KCNN1: variants seen among roughly 807,000 people sequenced by gnomAD.
KCNN1 encodes potassium calcium-activated channel subfamily N member 1.
KCNN1 carries 20 observed loss-of-function variants against 44.7 expected under a neutral mutation model. The ratio of observed to expected loss-of-function variants is 0.45; its 90% confidence interval spans 0.32 to 0.65. The LOEUF (loss-of-function observed/expected upper bound fraction) is 0.65. Among genes scored for constraint, KCNN1 ranks in the 30% least tolerant of loss-of-function variants. KCNN1 has a pLI of 0.05. For synonymous variants in KCNN1, 324 were observed against 341.7 expected (o/e 0.95, Z 0.57); for missense variants, 632 against 785.3 (o/e 0.80, Z 2.33).
At position 17,973,839 on chromosome 19, in the gene KCNN1, C is replaced by T; in HGVS notation, c.-50C>T. 1.3e-6 allele frequency: 2 copies of T among 1,537,168 alleles called. No homozygotes were observed. Among genetic ancestry groups the T allele is most frequent in the South Asian group, 1.2e-5 (1 of 83,464 alleles). On this transcript the variant is annotated 5_prime_UTR_variant, in exon 2 of 10. Transcript: ENST00000684775. ...GCAGGAGCCCAGCCGCTGAGCCATG[C>T]CGGGCCCCGGGCGGCCTGCAGCGAG...
At chr19:17,958,034 G>T (rs2031586050) in intron 2 of KCNN1, among the ~76,000 whole-genome samples, 1 of 152,094 alleles carries the variant, frequency 6.6e-6, no homozygotes, top group Non-Finnish European at 1.5e-5. Context: ...AGCACTCATT[G>T]TGCTTGGGGA....
chr19:17,984,828 T>C (rs1412310529), intron 4 of KCNN1, among the ~76,000 whole-genome samples: 2 of 152,142 alleles, frequency 1.3e-5, no homozygotes, highest in South Asian at 2.1e-4. Flanking sequence ...GGACTCATGC[T>C]GTCCTCCAGT....
chr19:17,952,959 C>T (rs2031452041), intron 1 of KCNN1, among the ~76,000 whole-genome samples: 1 of 152,160 alleles, frequency 6.6e-6, no homozygotes, highest in South Asian at 2.1e-4. Context: ...TCCACGAATC[C>T]CGGGACCCAG....
At chr19:17,967,414 G>A (rs2031852232) in intron 1 of KCNN1, 97 bp downstream of exon 1, 2 of 629,428 alleles carry the variant, frequency 3.2e-6, no homozygotes, top group African/African-American at 2.0e-5. Context: ...ACGCGGTTTG[G>A]GGCAGGGGCC....
At chr19:17,982,970 G>A (rs1156498867) in intron 4 of KCNN1, among the ~76,000 whole-genome samples, 4 of 151,872 alleles carry the variant, frequency 2.6e-5, no homozygotes, top group South Asian at 2.1e-4. Context: ...AACCTGGGAC[G>A]CGGAGGTTGC....
Position 17,975,076 on chromosome 19 carries a change from C to G in KCNN1, c.403-16C>G, listed in dbSNP as rs562559243. The G allele has an allele frequency of 1.2e-6, 2 of 1,606,584 alleles. No homozygotes were observed. The highest frequency in any genetic ancestry group is 2.7e-5 in the African/African-American group (2 of 74,880). ...GCCTCCAGCGTCCATCTGGCTGTGTCCTCTCTCTTTACCAGGAGTCTCTGT... is the reference window on the plus strand; with the variant it reads ...GCCTCCAGCGTCCATCTGGCTGTGTGCTCTCTCTTTACCAGGAGTCTCTGT... On this transcript the variant is annotated splice_polypyrimidine_tract_variant and intron_variant, in intron 2 of 9. Coordinates refer to ENST00000684775, the MANE Select transcript of KCNN1 (RefSeq NM_001386974.1).
intron 2 of KCNN1, among the ~76,000 whole-genome samples, chr19:17,955,578 A>G (rs1428599738): frequency 6.7e-6 from 1 of 148,714 alleles, no homozygotes; most frequent in African/African-American, 2.5e-5. Flanking sequence ...AAAAAAAAAA[A>G]AGAAAGAAAG....
intron 3 of KCNN1, among the ~76,000 whole-genome samples, chr19:17,978,477 G>GA (rs1335828229): frequency 6.7e-6 from 1 of 149,238 alleles, no homozygotes; most frequent in African/African-American, 2.5e-5. Flanking sequence ...GCCCAGGCTG[G>GA]AGTACAGTGG....
chr19:17,988,647 G>A (rs1252438259), intron 6 of KCNN1, 122 bp downstream of exon 6: 13 of 757,384 alleles, frequency 1.7e-5, no homozygotes, highest in Admixed American at 4.2e-5. Context: ...ATGCAGCCCC[G>A]TGTCAAGACT....
At chr19:17,964,901 G>T (rs1304497937), upstream of KCNN1, among the ~76,000 whole-genome samples, 2 of 152,172 alleles carry the variant, frequency 1.3e-5, no homozygotes, top group South Asian at 4.1e-4. The surrounding 1 kb of genome is among the most constrained non-coding windows in gnomAD (Gnocchi z 4.3). Flanking sequence ...CGTGGGCAGG[G>T]GTGCAGGGGA....
intron 6 of KCNN1, 50 bp downstream of exon 6, chr19:17,988,575 C>A (rs752952070): frequency 2.2e-6 from 3 of 1,346,240 alleles, no homozygotes; most frequent in Non-Finnish European, 3.2e-6. Flanking sequence ...TGTCAGCGAG[C>A]GTAGAACTTC....
chr19:17,979,716 T>C (rs973324321), intron 3 of KCNN1, among the ~76,000 whole-genome samples: 2 of 152,164 alleles, frequency 1.3e-5, no homozygotes, highest in African/African-American at 4.8e-5. Flanking sequence ...CTGTAGGGTG[T>C]CCTTTATGTC....
At chr19:17,959,866 C>T (rs1330028446) in intron 2 of KCNN1, among the ~76,000 whole-genome samples, 2 of 151,790 alleles carry the variant, frequency 1.3e-5, no homozygotes, top group South Asian at 2.1e-4. Context: ...GGGCGGATCA[C>T]GAGGTCGGGA....
At chr19:17,971,173 T>C (rs2032009594) in intron 1 of KCNN1, among the ~76,000 whole-genome samples, 1 of 151,598 alleles carries the variant, frequency 6.6e-6, no homozygotes, top group Admixed American at 6.6e-5. Context: ...CGTGAGCCAC[T>C]GCACCCAGCC....
chr19:17,974,159 C>T lies in KCNN1; in HGVS notation c.271C>T (p.His91Tyr). 6.2e-7 allele frequency: 1 copy of T among 1,613,658 alleles called. No homozygotes were observed. Residue 91 changes from histidine to tyrosine, a missense_variant, in exon 2 of 10, where the codon CAC becomes TAC. Physicochemically the swap from His to Tyr is moderately conservative, Grantham distance 83. This residue lies in a region of KCNN1 where 235 missense variants were observed against 224.0 expected (regional missense o/e 1.05). Coordinates refer to ENST00000684775, the MANE Select transcript of KCNN1 (RefSeq NM_001386974.1). The surrounding 1 kb of genome is among the most constrained non-coding windows in gnomAD (Gnocchi z 7.3). Reference sequence around the variant, plus strand: ...CTCGGGGAAACCCTCAAATGTGGGCCACCGCCTGGGCCACCGGCGGGCGCT... The same window carrying T: ...CTCGGGGAAACCCTCAAATGTGGGCTACCGCCTGGGCCACCGGCGGGCGCT... Reference protein sequence around the residue: ...RASGKPSNVGHRLGHRRALFE... With the variant: ...RASGKPSNVGYRLGHRRALFE...
intron 4 of KCNN1, 89 bp downstream of exon 4, chr19:17,982,216 C>T: frequency 9.3e-7 from 1 of 1,079,296 alleles, no homozygotes; most frequent in South Asian, 1.7e-5. Context: ...CGACCCTGGG[C>T]CCCTCCCGAC....
chr19:17,982,152 C>A (rs924683699), intron 4 of KCNN1, 25 bp downstream of exon 4: 19 of 1,458,378 alleles, frequency 1.3e-5, no homozygotes, highest in Non-Finnish European at 1.6e-5. Context: ...CCTGGAGCCC[C>A]CCCAGCCCCC....
At chr19:17,997,420 C>G (rs912735500) in intron 9 of KCNN1, among the ~76,000 whole-genome samples, 1 of 152,170 alleles carries the variant, frequency 6.6e-6, no homozygotes, top group African/African-American at 2.4e-5. Context: ...GGCCACTAGA[C>G]CCCCAGGGCA....
In KCNN1 at chr19:17,981,927, C is replaced by A. The variant is rs1186494633; in HGVS notation, c.717C>A (p.Tyr239Ter). Residue 239 changes from tyrosine to a stop codon, truncating the protein, a stop_gained, in exon 4 of 10, where the codon TAC becomes TAA. Transcript: ENST00000684775. LOFTEE classifies it high-confidence loss of function. ...CCATCCCCATGTTCCTGCGCCTCTACCTGCTGGGCCGGGTGATGCTACTGC... is the reference window on the plus strand; with the variant it reads ...CCATCCCCATGTTCCTGCGCCTCTAACTGCTGGGCCGGGTGATGCTACTGC... ...LLSIPMFLRL[Y>*]LLGRVMLLHS... The A allele has an allele frequency of 6.2e-7, 1 of 1,612,950 alleles. No homozygotes were observed. Among genetic ancestry groups the A allele is most frequent in the Admixed American group, 1.7e-5 (1 of 59,876 alleles).
Sources: gnomAD v4.1 joint callset for allele counts (sites outside exome capture counted in the v4.1 genomes callset) on GRCh38, gnomAD v4.1.1 for gene constraint, gnomAD v4.1.1 regional missense constraint, Gnocchi (gnomAD v3.1) non-coding constraint, MANE v1.5 for transcripts, NCBI Gene and HGNC (gene_info 2026-07-23, HGNC 2026-07-21) for gene names.